The following CDH1 variants were observed in gnomAD, a reference collection of about 807,000 sequenced individuals.
CDH1 encodes the protein cadherin-1.
In CDH1, 35 loss-of-function variants were observed where a neutral mutation model predicts 84.5. That is an observed-to-expected ratio of 0.41 (90% CI 0.32 to 0.55). The LOEUF is 0.55. Ranked by LOEUF, CDH1 falls within the 20% of genes least tolerant of loss-of-function variation. The pLI is 0.19. For missense variants in CDH1, 994 were observed against 1,126.6 expected (o/e 0.88, Z 1.68); for synonymous variants, 417 against 439.0 (o/e 0.95, Z 0.63).
intron 2 of CDH1, among the ~76,000 whole-genome samples, chr16:68,781,752 G>A (rs965751072): frequency 6.6e-6 from 1 of 152,132 alleles, no homozygotes; most frequent in African/African-American, 2.4e-5. Flanking sequence ...TTACAGGCCT[G>A]AGCAATCATG....
rs1450129677 is a variant in CDH1 at position 68,834,442 on chromosome 16, C to T, written c.*943C>T. On this transcript the variant is annotated 3_prime_UTR_variant, in exon 16 of 16. Coordinates refer to ENST00000261769, the MANE Select transcript of CDH1 (RefSeq NM_004360.5). The stretch of plus-strand genomic sequence containing the variant: ...ATGTTGCCCAAGCTGGTCTTAAACT[C>T]CTGGCCTCAAGCAATCCTTCTGCCT... 3.0e-6 allele frequency: 1 copy of T among 335,986 alleles called. No homozygotes were observed. The highest frequency in any genetic ancestry group is 2.1e-5 in the African/African-American group (1 of 47,018). 20.8% of individuals were successfully genotyped at this position (335,986 alleles called of 1,614,324 possible).
intron 2 of CDH1, among the ~76,000 whole-genome samples, chr16:68,753,972 G>A (rs12926010): frequency 0.57 from 85,825 of 151,114 alleles, 24,619 homozygotes; most frequent in Middle Eastern, 0.62. Flanking sequence ...AAAAAAAATT[G>A]GCCAGGCGTA....
intron 2 of CDH1, among the ~76,000 whole-genome samples, chr16:68,772,392 C>G (rs1053880324): frequency 6.6e-6 from 1 of 152,124 alleles, no homozygotes; most frequent in Non-Finnish European, 1.5e-5. Flanking sequence ...AATTAGTTCA[C>G]TAAGATTAAT....
At chr16:68,776,430 A>G (rs1467410067) in intron 2 of CDH1, among the ~76,000 whole-genome samples, 1 of 152,224 alleles carries the variant, frequency 6.6e-6, no homozygotes, top group African/African-American at 2.4e-5. Context: ...CAGGAGTCCA[A>G]TATTAGCTAT....
chr16:68,811,994 C>A, intron 7 of CDH1, 135 bp downstream of exon 7: 1 of 1,350,698 alleles, frequency 7.4e-7, no homozygotes, highest in Admixed American at 1.8e-5. Context: ...TAAGCTTGTG[C>A]CCAGAGGTTC....
At chr16:68,757,495 G>A (rs1963044888) in intron 2 of CDH1, among the ~76,000 whole-genome samples, 1 of 152,206 alleles carries the variant, frequency 6.6e-6, no homozygotes, top group Non-Finnish European at 1.5e-5. Context: ...CACCATGGGA[G>A]TGTTTAAATA....
At position 68,829,825 on chromosome 16, in the gene CDH1, C is replaced by G. The variant is rs763693993; in HGVS notation, c.2439+28C>G. 3 of 1,608,092 alleles carry G rather than the reference C, an allele frequency of 1.9e-6. No homozygotes were observed. The South Asian group carries it at 3.3e-5, about 18-fold the overall frequency. On this transcript the variant is annotated intron_variant, in intron 15 of 15. Transcript: ENST00000261769. ...AAGTAATCCACGTGGAAAGCCAAAG[C>G]ATGGCTCATCTCTAAGCTCAGGAGG...
At chr16:68,810,395 A>T (rs2152131300) in intron 6 of CDH1, 54 bp downstream of exon 6, 1 of 1,558,394 alleles carries the variant, frequency 6.4e-7, no homozygotes, top group Non-Finnish European at 8.8e-7. Flanking sequence ...GGTTCTTTGG[A>T]CCCCAAAGTG....
chr16:68,813,653 C>A, intron 9 of CDH1, 158 bp downstream of exon 9: 1 of 789,818 alleles, frequency 1.3e-6, no homozygotes, highest in Admixed American at 1.7e-5. Flanking sequence ...AGTGGCTCTT[C>A]CTGCTCATGT....
chr16:68,738,353 G>T lies in CDH1; in HGVS notation c.105G>T (p.Glu35Asp). 6.4e-7 allele frequency: 1 copy of T among 1,551,338 alleles called. No homozygotes were observed. Among genetic ancestry groups the T allele is most frequent in the Non-Finnish European group, 8.7e-7 (1 of 1,146,824 alleles). ...PEPCHPGFDA[E>D]SYTFTVPRRH... The stretch of plus-strand genomic sequence containing the variant: ...CCTGCCACCCTGGCTTTGACGCCGA[G>T]AGCTACACGTTCACGGTGCCCCGGC... The change falls in exon 2 of 16, where the codon GAG (glutamate) becomes GAT (aspartate). Residue 35 changes from glutamate to aspartate, a missense_variant. Physicochemically the swap from Glu to Asp is conservative, Grantham distance 45. Coordinates refer to ENST00000261769, the MANE Select transcript of CDH1 (RefSeq NM_004360.5).
chr16:68,792,231 CTTTT>C (rs750976738), intron 2 of CDH1, among the ~76,000 whole-genome samples: 1 of 113,582 alleles, frequency 8.8e-6, no homozygotes, highest in Non-Finnish European at 1.9e-5. Context: ...TAAACACTGA[CTTTT>C]TTTTTTTTTT....
At chr16:68,807,403 C>T (rs1960694018) in intron 3 of CDH1, among the ~76,000 whole-genome samples, 1 of 152,202 alleles carries the variant, frequency 6.6e-6, no homozygotes. Context: ...GGTGCGGTGA[C>T]TCACACCTGT....
chr16:68,748,547 C>G (rs559270292), intron 2 of CDH1, among the ~76,000 whole-genome samples: 32 of 152,334 alleles, frequency 2.1e-4, no homozygotes, highest in African/African-American at 7.5e-4. Context: ...TAGATAGACA[C>G]TGGGTAGTGT....
chr16:68,812,105 C>T (rs2152132433), intron 7 of CDH1, 30 bp from the exon 8 acceptor site: 2 of 1,613,818 alleles, frequency 1.2e-6, no homozygotes, highest in Non-Finnish European at 1.7e-6. Context: ...TGTTCCTGGT[C>T]CTGACTTGGT....
intron 12 of CDH1, chr16:68,822,639 G>T (rs1337832199): frequency 7.4e-6 from 3 of 407,588 alleles, no homozygotes; most frequent in African/African-American, 4.1e-5. Context: ...GCTGTCAACT[G>T]CCTGGTCAAT....
At chr16:68,826,003 A>G (rs1480698958) in intron 13 of CDH1, among the ~76,000 whole-genome samples, 1 of 151,752 alleles carries the variant, frequency 6.6e-6, no homozygotes, top group Non-Finnish European at 1.5e-5. Flanking sequence ...ATTTTTTTGT[A>G]GAAACAGTGT....
rs539382544 is a variant in CDH1 at position 68,753,188 on chromosome 16, G to A, written c.163+14777G>A. Among the ~76,000 whole-genome samples, 88 of 140,074 alleles carry A rather than the reference G, an allele frequency of 6.3e-4. No homozygotes were observed. In the Middle Eastern group the frequency reaches 0.012, roughly 19 times the overall value. The allele number at this position is 140,074 out of a possible 152,430, so 91.9% of individuals were successfully genotyped here. Reference sequence around the variant, plus strand: ...AGATCGCGCCACTGCACTCCAGCCTGGGCGACAAAGCGAGACTCAGTCTCA... The same window carrying A: ...AGATCGCGCCACTGCACTCCAGCCTAGGCGACAAAGCGAGACTCAGTCTCA... On this transcript the variant is annotated intron_variant, in intron 2 of 15. Coordinates refer to ENST00000261769, the MANE Select transcript of CDH1 (RefSeq NM_004360.5).
intron 2 of CDH1, among the ~76,000 whole-genome samples, chr16:68,799,250 C>G (rs1960437251): frequency 6.6e-6 from 1 of 152,194 alleles, no homozygotes; most frequent in Non-Finnish European, 1.5e-5. Context: ...CTCACCCCAT[C>G]CTTTCCTTCA....
intron 2 of CDH1, among the ~76,000 whole-genome samples, chr16:68,755,388 A>C (rs1272659143): frequency 6.6e-6 from 1 of 151,760 alleles, no homozygotes; most frequent in Non-Finnish European, 1.5e-5. Context: ...TTCTCTAGTC[A>C]GGCATTTTTC....
Sources: gnomAD v4.1 joint callset for allele counts (sites outside exome capture counted in the v4.1 genomes callset) on GRCh38, gnomAD v4.1.1 for gene constraint, MANE v1.5 for transcripts, NCBI Gene and HGNC (gene_info 2026-07-23, HGNC 2026-07-21) for gene names.